The following ATF3 variants were observed in gnomAD, a reference collection of about 807,000 sequenced individuals.
ATF3 encodes activating transcription factor 3.
In ATF3, 10 loss-of-function variants were observed where a neutral mutation model predicts 18.4. The ratio of observed to expected loss-of-function variants is 0.54; its 90% CI spans 0.34 to 0.92. The LOEUF (loss-of-function observed/expected upper bound fraction) is 0.92, where lower values mean the gene tolerates loss of function less well. ATF3 is among the 40% of genes least tolerant of loss of function. The pLI is 0.02. For synonymous variants in ATF3, 78 were observed against 87.9 expected (o/e 0.89, Z 0.63); for missense variants, 183 against 222.3 (o/e 0.82, Z 1.12).
chr1:212,587,758 C>T lies in ATF3; in HGVS notation c.-5+22275C>T, dbSNP rs564143599. 7.9e-5 allele frequency among the ~76,000 whole-genome samples: 12 copies of T among 152,298 alleles called. No individual in the cohort carries two copies. The South Asian group carries it at 1.0e-3, about 13-fold the overall frequency. On this transcript the variant is annotated intron_variant, in intron 1 of 3. Coordinates refer to the ATF3 transcript ENST00000366981. ...ACATATGTGTGTATCTCCTGCCTTTCGTCCCAAGTATCCTGCAAATAACTC... is the reference window on the plus strand; with the variant it reads ...ACATATGTGTGTATCTCCTGCCTTTTGTCCCAAGTATCCTGCAAATAACTC...
intron 1 of ATF3, among the ~76,000 whole-genome samples, chr1:212,590,815 A>G (rs1034811464): frequency 1.3e-5 from 2 of 152,198 alleles, no homozygotes; most frequent in Admixed American, 1.3e-4. Flanking sequence ...AGCGTTGGAT[A>G]TGGGCAGCAT....
At chr1:212,580,162 A>G (rs1296543159) in intron 1 of ATF3, among the ~76,000 whole-genome samples, 1 of 151,942 alleles carries the variant, frequency 6.6e-6, no homozygotes, top group Non-Finnish European at 1.5e-5. Flanking sequence ...GTCTCAAAAA[A>G]AAAGAAAGAA....
At chr1:212,573,943 G>T (rs1424012313) in intron 1 of ATF3, among the ~76,000 whole-genome samples, 7 of 149,370 alleles carry the variant, frequency 4.7e-5, no homozygotes, top group Middle Eastern at 3.4e-3. Context: ...TATTCATAGG[G>T]TTTTTTTTTC....
intron 1 of ATF3, among the ~76,000 whole-genome samples, chr1:212,610,851 G>A (rs1181009157): frequency 1.3e-5 from 2 of 152,202 alleles, no homozygotes; most frequent in Non-Finnish European, 2.9e-5. Context: ...AAAATGAGCA[G>A]TCGGTGGGTG....
upstream of ATF3, among the ~76,000 whole-genome samples, chr1:212,606,477 C>T (rs1212734697): frequency 1.3e-5 from 2 of 152,216 alleles, no homozygotes; most frequent in Non-Finnish European, 2.9e-5. Context: ...CTTCTCCCCC[C>T]ACCCCAATTA....
intron 1 of ATF3, among the ~76,000 whole-genome samples, chr1:212,600,097 G>A (rs112282904): frequency 2.5e-4 from 38 of 152,192 alleles, no homozygotes; most frequent in Non-Finnish European, 4.7e-4. Context: ...AACAACATAC[G>A]AGAGTGGGGA....
chr1:212,604,542 A>T (rs765667249), upstream of ATF3, among the ~76,000 whole-genome samples: 3 of 152,190 alleles, frequency 2.0e-5, no homozygotes, highest in Non-Finnish European at 4.4e-5. Context: ...TGGGAGAAGG[A>T]CAGGCTGTGT....
chr1:212,566,430 T>C (rs1664384188), intron 1 of ATF3, among the ~76,000 whole-genome samples: 1 of 152,204 alleles, frequency 6.6e-6, no homozygotes, highest in South Asian at 2.1e-4. Flanking sequence ...TGGGTTATTA[T>C]GAGACATCAG....
chr1:212,611,156 T>C (rs1190608569), intron 1 of ATF3, among the ~76,000 whole-genome samples: 1 of 152,196 alleles, frequency 6.6e-6, no homozygotes, highest in Non-Finnish European at 1.5e-5. Flanking sequence ...TATGTGAGAA[T>C]TGGTTCTCTT....
chr1:212,615,465 A>C (rs754168719), intron 2 of ATF3, among the ~76,000 whole-genome samples: 47 of 152,010 alleles, frequency 3.1e-4, no homozygotes, highest in Non-Finnish European at 5.9e-5. Flanking sequence ...AAAGGAGAAA[A>C]AAGCAGGGAG....
intron 1 of ATF3, among the ~76,000 whole-genome samples, chr1:212,584,984 C>G (rs1664751097): frequency 6.6e-6 from 1 of 152,210 alleles, no homozygotes; most frequent in Admixed American, 6.5e-5. Flanking sequence ...GCTGCCCATT[C>G]TCCAGCCCTG....
rs537013101 is a variant in ATF3 at position 212,583,549 on chromosome 1, G to T, written c.-5+18066G>T. 5.3e-5 allele frequency among the ~76,000 whole-genome samples: 8 copies of T among 151,730 alleles called. No homozygotes were observed. The South Asian group carries it at 1.7e-3, about 32-fold the overall frequency. On this transcript the variant is annotated intron_variant, in intron 1 of 3. Transcript: ENST00000366981. ...AGCTGTCACCACCCAGGCCTACAGGGCAAGAGGAGGGAATATTTTATTGGA... is the reference window on the plus strand; with the variant it reads ...AGCTGTCACCACCCAGGCCTACAGGTCAAGAGGAGGGAATATTTTATTGGA...
upstream of ATF3, among the ~76,000 whole-genome samples, chr1:212,603,776 A>ATGTGTGTGTGTG (rs145857442): frequency 3.7e-3 from 555 of 149,598 alleles, 2 homozygotes; most frequent in Middle Eastern, 0.014. Context: ...GTGTATATAT[A>ATGTGTGTGTGTG]TGTGTGTGTG....
chr1:212,576,727 T>C (rs1220962047), intron 1 of ATF3, among the ~76,000 whole-genome samples: 35 of 124,352 alleles, frequency 2.8e-4, no homozygotes, highest in South Asian at 2.5e-3. Flanking sequence ...TTTTCTTTTT[T>C]TTTTTTTTTT....
intron 1 of ATF3, among the ~76,000 whole-genome samples, chr1:212,597,490 C>A (rs1355880244): frequency 6.6e-6 from 1 of 152,022 alleles, no homozygotes; most frequent in Non-Finnish European, 1.5e-5. Flanking sequence ...ATCCATTCAT[C>A]TATCTAGCAA....
At chr1:212,601,650 G>C (rs1287666510) in intron 1 of ATF3, among the ~76,000 whole-genome samples, 1 of 152,180 alleles carries the variant, frequency 6.6e-6, no homozygotes, top group Non-Finnish European at 1.5e-5. Context: ...AAGATACTGG[G>C]TATTTTTAAA....
At chr1:212,569,633 T>C (rs985768307) in intron 1 of ATF3, among the ~76,000 whole-genome samples, 3 of 151,312 alleles carry the variant, frequency 2.0e-5, no homozygotes, top group Non-Finnish European at 4.4e-5. Flanking sequence ...AATGTAAACA[T>C]CTTCCCACTT....
intron 1 of ATF3, among the ~76,000 whole-genome samples, chr1:212,585,296 G>C (rs990478067): frequency 6.6e-6 from 1 of 152,158 alleles, no homozygotes; most frequent in Non-Finnish European, 1.5e-5. Flanking sequence ...ACTCAGCCTG[G>C]CTTCCTCTGC....
At position 212,619,326 on chromosome 1, in the gene ATF3, C is replaced by A. The variant is rs1203497289; in HGVS notation, c.349-32C>A. 6.2e-7 allele frequency: 1 copy of A among 1,612,570 alleles called. No homozygotes were observed. Among genetic ancestry groups the A allele is most frequent in the South Asian group, 1.1e-5 (1 of 90,884 alleles). ...CCCCCTCCTCACTGGCCCTTGGCTC[C>A]TTTCTTGATGCCTCTGTTGCTTGTC... On this transcript the variant is annotated intron_variant, in intron 3 of 3. Coordinates refer to ENST00000341491, the MANE Select transcript of ATF3 (RefSeq NM_001674.4). This position sits in a 1 kb window ranked among gnomAD's most constrained non-coding sequence, Gnocchi z 4.4.
Sources: gnomAD v4.1 joint callset for allele counts (sites outside exome capture counted in the v4.1 genomes callset) on GRCh38, gnomAD v4.1.1 for gene constraint, Gnocchi (gnomAD v3.1) non-coding constraint, MANE v1.5 for transcripts, NCBI Gene and HGNC (gene_info 2026-07-23, HGNC 2026-07-21) for gene names.